EFCAB13: variants seen among roughly 807,000 people sequenced by gnomAD.
The protein encoded by EFCAB13 is EF-hand calcium-binding domain-containing protein 13.
A neutral mutation model predicts 110.2 loss-of-function variants in EFCAB13; 91 were observed. The observed-to-expected ratio is 0.83, with a 90% confidence interval of 0.70 to 0.98. The LOEUF is 0.98. Among genes scored for constraint, EFCAB13 ranks in the 50% least tolerant of loss-of-function variants. The pLI is 0.00. For missense variants in EFCAB13, 968 were observed against 1,119.4 expected (o/e 0.86, Z 1.93); for synonymous variants, 323 against 369.9 (o/e 0.87, Z 1.45).
At chr17:47,422,971 G>A (rs1005487829) in intron 23 of EFCAB13, among the ~76,000 whole-genome samples, 6 of 152,174 alleles carry the variant, frequency 3.9e-5, no homozygotes, top group Non-Finnish European at 8.8e-5. Flanking sequence ...TTTACATCAA[G>A]ATTTATAACA....
chr17:47,409,290 G>A (rs1052050218), intron 20 of EFCAB13: 8 of 196,934 alleles, frequency 4.1e-5, no homozygotes, highest in African/African-American at 1.4e-4. Flanking sequence ...TAGTATATAG[G>A]TAGGTAAGAG....
At chr17:47,427,992 AT>A (rs971675168) in intron 23 of EFCAB13, among the ~76,000 whole-genome samples, 6 of 151,988 alleles carry the variant, frequency 3.9e-5, no homozygotes, top group African/African-American at 1.4e-4. Flanking sequence ...GAAAAACAAC[AT>A]TGTAGTCATA....
At chr17:47,404,698 T>G in intron 20 of EFCAB13, 65 bp downstream of exon 20, 1 of 1,255,272 alleles carries the variant, frequency 8.0e-7, no homozygotes, top group African/African-American at 1.5e-5. Context: ...GTTCACCTAG[T>G]AAAACCCTAA....
At chr17:47,382,647 G>A (rs12453431) in intron 14 of EFCAB13, among the ~76,000 whole-genome samples, 2,614 of 152,168 alleles carry the variant, frequency 0.017, 70 homozygotes, top group Admixed American at 0.077. Flanking sequence ...CTGTTTATGT[G>A]ATGATAAGCT....
chr17:47,369,813 G>A (rs1442277535), intron 10 of EFCAB13: 1 of 152,356 alleles, frequency 6.6e-6, no homozygotes, highest in East Asian at 1.9e-4. Context: ...ATTATTCAAG[G>A]TGACTGCATC....
At chr17:47,398,633 T>TAA (rs2065761520) in intron 17 of EFCAB13, among the ~76,000 whole-genome samples, 1 of 151,468 alleles carries the variant, frequency 6.6e-6, no homozygotes, top group Non-Finnish European at 1.5e-5. Flanking sequence ...TGTGCTTTGT[T>TAA]AAACAGATGC....
chr17:47,398,688 T>A lies in EFCAB13; in HGVS notation c.1945+2711T>A, dbSNP rs1371947744. Among the ~76,000 whole-genome samples, 59 of 150,684 alleles carry A rather than the reference T, an allele frequency of 3.9e-4. 1 individual carries two copies. The highest frequency in any genetic ancestry group is 1.5e-4 in the Non-Finnish European group (10 of 67,468). The stretch of plus-strand genomic sequence containing the variant: ...TAAGAGTCATCACCACTCCCTAATC[T>A]CAAGTACCCAGGGACACAAACACTG... On this transcript the variant is annotated intron_variant, in intron 17 of 24. Transcript: ENST00000331493.
At chr17:47,354,092 G>C (rs1235207632) in intron 9 of EFCAB13, among the ~76,000 whole-genome samples, 1 of 152,086 alleles carries the variant, frequency 6.6e-6, no homozygotes, top group Non-Finnish European at 1.5e-5. Context: ...TTATTGTTCA[G>C]TTCAAAGATT....
intron 9 of EFCAB13, among the ~76,000 whole-genome samples, chr17:47,356,534 G>A (rs1598730980): frequency 6.6e-6 from 1 of 152,204 alleles, no homozygotes; most frequent in Non-Finnish European, 1.5e-5. Context: ...GCTCCAGGCT[G>A]GTACTGGAGA....
intron 23 of EFCAB13, among the ~76,000 whole-genome samples, chr17:47,422,577 CTA>C (rs1291099784): frequency 6.6e-6 from 1 of 151,942 alleles, no homozygotes; most frequent in Non-Finnish European, 1.5e-5. Context: ...TAATATAATT[CTA>C]TGTTCAAAAA....
chr17:47,397,218 T>C (rs970179321), intron 17 of EFCAB13, among the ~76,000 whole-genome samples: 1 of 152,196 alleles, frequency 6.6e-6, no homozygotes, highest in Middle Eastern at 3.2e-3. Context: ...TTCGCTGTGT[T>C]GGCCGGGCTG....
intron 10 of EFCAB13, among the ~76,000 whole-genome samples, chr17:47,364,584 T>TA (rs766908387): frequency 6.6e-6 from 1 of 152,234 alleles, no homozygotes; most frequent in Non-Finnish European, 1.5e-5. Flanking sequence ...GTGCTGGGAT[T>TA]ACAGACGTGA....
chr17:47,386,093 G>A (rs1168904982), intron 14 of EFCAB13, among the ~76,000 whole-genome samples: 1 of 152,200 alleles, frequency 6.6e-6, no homozygotes, highest in Non-Finnish European at 1.5e-5. Flanking sequence ...TCCCCATCAG[G>A]AGGTATGGAG....
At chr17:47,409,590 C>A in intron 20 of EFCAB13, 57 bp from the exon 21 acceptor site, 1 of 1,329,364 alleles carries the variant, frequency 7.5e-7, no homozygotes, top group Non-Finnish European at 1.1e-6. Flanking sequence ...TCCTTTCAAA[C>A]AGGGTAAGAT....
intron 23 of EFCAB13, among the ~76,000 whole-genome samples, chr17:47,420,402 C>T (rs1786432740): frequency 6.6e-6 from 1 of 152,264 alleles, no homozygotes; most frequent in Admixed American, 6.5e-5. Flanking sequence ...CTCTGCCTGG[C>T]CGCCCATCAT....
intron 9 of EFCAB13, among the ~76,000 whole-genome samples, chr17:47,357,955 T>G (rs993942446): frequency 6.6e-6 from 1 of 152,214 alleles, no homozygotes; most frequent in African/African-American, 2.4e-5. Flanking sequence ...ATTTTTCAAG[T>G]CCTGGTTTCC....
intron 10 of EFCAB13, among the ~76,000 whole-genome samples, chr17:47,367,217 T>G (rs1292723169): frequency 6.6e-6 from 1 of 152,232 alleles, no homozygotes; most frequent in African/African-American, 2.4e-5. Context: ...ACCAATTTTG[T>G]CTAGCATTTC....
chr17:47,328,232 A>C (rs1319330785), intron 3 of EFCAB13, 37 bp from the exon 4 acceptor site: 1 of 876,424 alleles, frequency 1.1e-6, no homozygotes, highest in East Asian at 2.4e-5. Flanking sequence ...AGTGTTCTAA[A>C]CAAGCGTATG....
intron 15 of EFCAB13, among the ~76,000 whole-genome samples, chr17:47,392,254 C>A (rs904497761): frequency 6.6e-6 from 1 of 152,102 alleles, no homozygotes; most frequent in Non-Finnish European, 1.5e-5. Flanking sequence ...ACATTAAAAT[C>A]TAGATAAATA....
Sources: gnomAD v4.1 joint callset for allele counts (sites outside exome capture counted in the v4.1 genomes callset) on GRCh38, gnomAD v4.1.1 for gene constraint, MANE v1.5 for transcripts, NCBI Gene and HGNC (gene_info 2026-07-23, HGNC 2026-07-21) for gene names.